The following XG variants were observed in gnomAD, a reference collection of about 807,000 sequenced individuals.
XG encodes Xg glycoprotein (Xg blood group).
In XG, 24 loss-of-function variants were observed where a neutral mutation model predicts 25.7. That is an observed-to-expected ratio of 0.93 (90% CI 0.68 to 1.31). The LOEUF (loss-of-function observed/expected upper bound fraction) is 1.31. XG is among the 40% of genes most tolerant of loss of function. XG has a pLI of 0.00. For missense variants in XG, 181 were observed against 187.6 expected, an observed-to-expected ratio of 0.96 and a Z score of 0.21; for synonymous variants, 77 against 69.2, an observed-to-expected ratio of 1.11 and a Z score of -0.56.
chrX:2,806,349 A>T lies in XG; in HGVS notation c.374-352A>T, dbSNP rs370785013. On this transcript the variant is annotated intron_variant, in intron 7 of 10. Coordinates refer to ENST00000644266, the MANE Select transcript of XG (RefSeq NM_001141919.2). Reference sequence around the variant, plus strand: ...CAACCTGGAGGAACTCTTTTTTTTTAAAATTTTAAATAAATTACTATTTGT... The same window carrying T: ...CAACCTGGAGGAACTCTTTTTTTTTTAAATTTTAAATAAATTACTATTTGT... 1.6e-3 allele frequency among the ~76,000 whole-genome samples: 177 copies of T among 111,283 alleles called. 1 individual carries two copies. The highest frequency in any genetic ancestry group is 2.8e-3 in the East Asian group (10 of 3,570).
At chrX:2,812,383 A>G (rs1182671617) in intron 10 of XG, among the ~76,000 whole-genome samples, 1 of 110,970 alleles carries the variant, frequency 9.0e-6, no homozygotes, top group Non-Finnish European at 1.9e-5. Context: ...TTATAGCCTA[A>G]AGAGTGACTC....
At chrX:2,807,963 G>A (rs1314155425) in intron 8 of XG, among the ~76,000 whole-genome samples, 2 of 111,406 alleles carry the variant, frequency 1.8e-5, no homozygotes, top group African/African-American at 3.3e-5. Flanking sequence ...CCTCTCCCTG[G>A]TATTATCCCC....
In XG at chrX:2,770,576, G is replaced by T; in HGVS notation, c.88G>T (p.Ala30Ser). 6.2e-7 allele frequency: 1 copy of T among 1,613,922 alleles called. No individual in the cohort carries two copies. The highest frequency in any genetic ancestry group is 8.5e-7 in the Non-Finnish European group (1 of 1,179,872). ...RGQRDFDLAD[A>S]LDDPEPTKKP... is the part of the protein sequence containing the mutation. ...TCAAAGAGACTTTGATTTGGCAGAT[G>T]CCCTTGATGACCCTGGTAAGTGCCG... The change falls in exon 2 of 11, where the codon GCC becomes TCC. Residue 30 changes from alanine (A) to serine (S), a missense_variant. Transcript: ENST00000644266.
chrX:2,774,607 T>C, intron 2 of XG, 109 bp from the exon 3 acceptor site: 1 of 1,218,088 alleles, frequency 8.2e-7, no homozygotes, highest in Non-Finnish European at 1.2e-6. Flanking sequence ...TTACTTTGTA[T>C]GGCTTTGTCA....
chrX:2,785,236 C>T (rs1202395307), intron 4 of XG, among the ~76,000 whole-genome samples: 1 of 111,395 alleles, frequency 9.0e-6, no homozygotes, highest in Non-Finnish European at 1.9e-5. Context: ...CAGTCTGGCC[C>T]AGTGAATCTG....
Position 2,752,254 on chromosome X carries a change from T to A in XG, c.-21T>A, listed in dbSNP as rs2050345656. 6.2e-7 allele frequency: 1 copy of A among 1,613,528 alleles called. No individual in the cohort carries two copies. Among genetic ancestry groups the A allele is most frequent in the Non-Finnish European group, 8.5e-7 (1 of 1,179,706 alleles). On this transcript the variant is annotated 5_prime_UTR_variant, in exon 1 of 11. Transcript: ENST00000644266. ...GCTTGGCTGGGGAGTCCACTGAGGTTCTTGCATCCTGAAGCAAACCATGGA... is the reference window on the plus strand; with the variant it reads ...GCTTGGCTGGGGAGTCCACTGAGGTACTTGCATCCTGAAGCAAACCATGGA...
chrX:2,766,378 A>G (rs2050689356), intron 1 of XG, among the ~76,000 whole-genome samples: 1 of 151,736 alleles, frequency 6.6e-6, no homozygotes, highest in Non-Finnish European at 1.5e-5. Context: ...TGACCTTGTG[A>G]TCTGCCCTCC....
At chrX:2,772,578 C>G (rs774821965) in intron 2 of XG, among the ~76,000 whole-genome samples, 1 of 152,018 alleles carries the variant, frequency 6.6e-6, no homozygotes, top group Non-Finnish European at 1.5e-5. Flanking sequence ...AGGGACTGCT[C>G]GTGGCTATGG....
intron 7 of XG, among the ~76,000 whole-genome samples, chrX:2,798,364 CTTTTCT>C (rs1296559707): frequency 8.0e-4 from 77 of 96,317 alleles, no homozygotes; most frequent in African/African-American, 2.8e-3. Context: ...GAGTAACCAT[CTTTTCT>C]TTTTTTTTTT....
chrX:2,776,041 G>C (rs982217361), intron 3 of XG, among the ~76,000 whole-genome samples: 1 of 151,968 alleles, frequency 6.6e-6, no homozygotes, highest in African/African-American at 2.4e-5. Context: ...TGTAATCCCA[G>C]CACTTTGGGA....
At chrX:2,774,520 G>A (rs988550885) in intron 2 of XG, among the ~76,000 whole-genome samples, 196 bp from the exon 3 acceptor site, 29 of 152,004 alleles carry the variant, frequency 1.9e-4, no homozygotes, top group Non-Finnish European at 4.3e-4. Flanking sequence ...CTCAAGGGTG[G>A]ATTGTTTTTG....
chrX:2,775,443 G>A (rs2050956908), intron 3 of XG, among the ~76,000 whole-genome samples: 3 of 152,288 alleles, frequency 2.0e-5, no homozygotes, highest in Middle Eastern at 3.4e-3. Context: ...CCTAGAACCA[G>A]AAGCAATGTC....
chrX:2,811,538 G>A (rs1248923415), intron 10 of XG, 86 bp downstream of exon 10: 3 of 637,873 alleles, frequency 4.7e-6, no homozygotes, highest in Non-Finnish European at 7.1e-6. Flanking sequence ...TCACTAGCAA[G>A]GTTATTTCTG....
intron 5 of XG, among the ~76,000 whole-genome samples, chrX:2,790,729 G>A (rs1253212509): frequency 8.9e-6 from 1 of 111,815 alleles, no homozygotes; most frequent in Non-Finnish European, 1.9e-5. Flanking sequence ...GAACCCAGGA[G>A]GCGGAGGTTG....
chrX:2,792,944 C>T lies in XG; in HGVS notation c.254-1591C>T, dbSNP rs756236520. 7.3e-5 allele frequency among the ~76,000 whole-genome samples: 8 copies of T among 110,036 alleles called. No individual in the cohort carries two copies. The South Asian group carries it at 2.0e-3, about 27-fold the overall frequency. On this transcript the variant is annotated intron_variant, in intron 5 of 10. Transcript: ENST00000644266. Reference sequence around the variant, plus strand: ...TTGTTTTTTTTTTGAAACAGGGTCTCTCTGTGTCACTCAGGCTGGAATGCA... The same window carrying T: ...TTGTTTTTTTTTTGAAACAGGGTCTTTCTGTGTCACTCAGGCTGGAATGCA...
In XG at chrX:2,795,753, G is replaced by T. The variant is rs781588205; in HGVS notation, c.322+1150G>T. Among the ~76,000 whole-genome samples the T allele has an allele frequency of 5.4e-5, 6 of 110,531 alleles. No homozygotes were observed. The East Asian group carries it at 1.7e-3, about 31-fold the overall frequency. Reference sequence around the variant, plus strand: ...GGCTCACTGCAACCTCTGCCTCCCGGGTTCAAGTGATGTTCTGCCTCAGCC... The same window carrying T: ...GGCTCACTGCAACCTCTGCCTCCCGTGTTCAAGTGATGTTCTGCCTCAGCC... On this transcript the variant is annotated intron_variant, in intron 6 of 10. Transcript: ENST00000644266.
chrX:2,796,200 TATAA>T (rs1472733804), intron 6 of XG, among the ~76,000 whole-genome samples: 3 of 103,436 alleles, frequency 2.9e-5, no homozygotes, highest in Non-Finnish European at 5.7e-5. Context: ...TCTTTATGTG[TATAA>T]ATATCTTCAT....
intron 4 of XG, among the ~76,000 whole-genome samples, chrX:2,785,673 GAAGTT>G (rs912606024): frequency 2.7e-5 from 3 of 111,513 alleles, no homozygotes; most frequent in African/African-American, 9.8e-5. Flanking sequence ...AAGCTGGTTG[GAAGTT>G]AATTATGGAT....
At chrX:2,765,459 C>T (rs1264725597) in intron 1 of XG, among the ~76,000 whole-genome samples, 1 of 151,174 alleles carries the variant, frequency 6.6e-6, no homozygotes, top group African/African-American at 2.4e-5. Flanking sequence ...GCACGCAGAT[C>T]AAAGGACATT....
Sources: allele counts gnomAD v4.1 joint callset (sites outside exome capture counted in the v4.1 genomes callset), GRCh38; gene constraint gnomAD v4.1.1; transcripts MANE v1.5; gene names NCBI Gene and HGNC (gene_info 2026-07-23, HGNC 2026-07-21).